CHRM3: variants seen among roughly 807,000 people sequenced by gnomAD.
CHRM3 encodes cholinergic receptor muscarinic 3.
Under a neutral mutation model 41.8 loss-of-function variants are expected in CHRM3, and 11 were observed. That is an observed-to-expected ratio of 0.26 (90% CI 0.17 to 0.44). The LOEUF (loss-of-function observed/expected upper bound fraction) is 0.44. Ranked by LOEUF, CHRM3 falls within the 20% of genes least tolerant of loss-of-function variation. CHRM3 has a pLI of 1.00. For missense variants in CHRM3, 571 were observed against 745.4 expected (o/e 0.77, Z 2.72); for synonymous variants, 297 against 301.4 (o/e 0.99, Z 0.15).
At chr1:239,773,235 A>G (rs1453643750) in intron 5 of CHRM3, among the ~76,000 whole-genome samples, 2 of 152,324 alleles carry the variant, frequency 1.3e-5, no homozygotes, top group East Asian at 3.9e-4. Context: ...AGGTATTCTC[A>G]GCATCTTCTA....
chr1:239,693,946 T>C (rs1659944013), intron 5 of CHRM3, among the ~76,000 whole-genome samples: 1 of 152,206 alleles, frequency 6.6e-6, no homozygotes, highest in African/African-American at 2.4e-5. Flanking sequence ...CTGGCTAATA[T>C]ATGAATGACA....
intron 1 of CHRM3, among the ~76,000 whole-genome samples, chr1:239,486,039 T>C (rs775879408): frequency 9.9e-5 from 15 of 152,194 alleles, no homozygotes; most frequent in Non-Finnish European, 1.9e-4. Flanking sequence ...TTTTTACTCA[T>C]TGCAGGAGAG....
intron 2 of CHRM3, among the ~76,000 whole-genome samples, chr1:239,493,249 A>C (rs1375309699): frequency 6.6e-6 from 1 of 152,216 alleles, no homozygotes; most frequent in Non-Finnish European, 1.5e-5. Context: ...TTTCATGTAG[A>C]TTCACACAGG....
intron 6 of CHRM3, among the ~76,000 whole-genome samples, chr1:239,838,992 G>A (rs1164919700): frequency 6.6e-6 from 1 of 152,180 alleles, no homozygotes; most frequent in African/African-American, 2.4e-5. Flanking sequence ...ATGGGGATAG[G>A]TTTTCTATGA....
chr1:239,404,097 G>T (rs868587243), intron 1 of CHRM3, among the ~76,000 whole-genome samples: 1 of 149,710 alleles, frequency 6.7e-6, no homozygotes, highest in Admixed American at 6.8e-5. Context: ...GACCATCCTG[G>T]CTAACACAGT....
intron 5 of CHRM3, among the ~76,000 whole-genome samples, chr1:239,793,803 ATTTTTTTTTTT>A (rs67460907): frequency 1.4e-5 from 1 of 69,494 alleles, no homozygotes; most frequent in Non-Finnish European, 2.5e-5. Context: ...TGAAATGTGT[ATTTTTTTTTTT>A]TTTTTTTTTT....
chr1:239,777,264 GAT>G (rs1282802341), intron 5 of CHRM3, among the ~76,000 whole-genome samples: 9 of 152,176 alleles, frequency 5.9e-5, no homozygotes, highest in Admixed American at 1.3e-4. Flanking sequence ...GATCATCTGT[GAT>G]AGAAGAGACT....
At chr1:239,433,801 A>G (rs1422992176) in intron 1 of CHRM3, among the ~76,000 whole-genome samples, 4 of 152,124 alleles carry the variant, frequency 2.6e-5, no homozygotes, top group Non-Finnish European at 5.9e-5. Context: ...GTTCCTTCCT[A>G]TGACTGAGTA....
intron 3 of CHRM3, among the ~76,000 whole-genome samples, chr1:239,619,673 C>G (rs1036036992): frequency 1.3e-5 from 2 of 152,172 alleles, no homozygotes; most frequent in Non-Finnish European, 2.9e-5. Flanking sequence ...ATCAAAACTA[C>G]AGGTACATTT....
chr1:239,899,386 C>T (rs66781955), intron 6 of CHRM3, among the ~76,000 whole-genome samples: 1 of 149,426 alleles, frequency 6.7e-6, no homozygotes, highest in Non-Finnish European at 1.5e-5. Flanking sequence ...CATATATAAA[C>T]ACATATACAT....
At chr1:239,439,543 G>C (rs61253401) in intron 1 of CHRM3, among the ~76,000 whole-genome samples, 2 of 152,156 alleles carry the variant, frequency 1.3e-5, no homozygotes, top group African/African-American at 4.8e-5. Context: ...GGTCAAAGAA[G>C]GGTGAGAAAG....
intron 5 of CHRM3, among the ~76,000 whole-genome samples, chr1:239,818,245 C>T (rs1414484876): frequency 6.6e-6 from 1 of 152,140 alleles, no homozygotes; most frequent in Non-Finnish European, 1.5e-5. Flanking sequence ...CCTTCTTTTA[C>T]AAAAACACCC....
chr1:239,685,323 T>C (rs1659026523), intron 5 of CHRM3, among the ~76,000 whole-genome samples: 1 of 152,194 alleles, frequency 6.6e-6, no homozygotes, highest in Non-Finnish European at 1.5e-5. Context: ...TAAATGAGTA[T>C]CCACCACAAA....
chr1:239,495,964 A>C (rs1233870209), intron 2 of CHRM3, among the ~76,000 whole-genome samples: 1 of 152,090 alleles, frequency 6.6e-6, no homozygotes, highest in East Asian at 1.9e-4. Context: ...CATACCTACT[A>C]TCATTGGGAG....
chr1:239,537,133 C>A (rs1030621784), intron 2 of CHRM3, among the ~76,000 whole-genome samples: 1 of 152,268 alleles, frequency 6.6e-6, no homozygotes, highest in East Asian at 1.9e-4. Flanking sequence ...ATCCTCCAGT[C>A]TAGACGTCTC....
At chr1:239,675,709 A>G (rs1006576455) in intron 4 of CHRM3, among the ~76,000 whole-genome samples, 32 of 152,374 alleles carry the variant, frequency 2.1e-4, no homozygotes, top group African/African-American at 6.5e-4. Flanking sequence ...TTGGAAAAGC[A>G]TTAAAAATAT....
intron 5 of CHRM3, among the ~76,000 whole-genome samples, chr1:239,823,810 A>C (rs1352193575): frequency 6.6e-6 from 1 of 152,046 alleles, no homozygotes; most frequent in African/African-American, 2.4e-5. Flanking sequence ...CTTGGGGAAA[A>C]AATAGTTTTC....
chr1:239,813,865 C>A (rs998921538), intron 5 of CHRM3, among the ~76,000 whole-genome samples: 6 of 140,400 alleles, frequency 4.3e-5, no homozygotes, highest in Admixed American at 4.2e-4. Context: ...TGCAGTGAGC[C>A]GAGATCCCGC....
intron 4 of CHRM3, among the ~76,000 whole-genome samples, chr1:239,671,269 A>G (rs1271637399): frequency 6.6e-6 from 1 of 152,174 alleles, no homozygotes; most frequent in Non-Finnish European, 1.5e-5. Flanking sequence ...CCCATTTTCC[A>G]GAAATTTCTT....
Sources: gnomAD v4.1 joint callset for allele counts (sites outside exome capture counted in the v4.1 genomes callset) on GRCh38, gnomAD v4.1.1 for gene constraint, MANE v1.5 for transcripts, NCBI Gene and HGNC (gene_info 2026-07-23, HGNC 2026-07-21) for gene names.